The following ZNF804B variants were observed in gnomAD, a reference collection of about 807,000 sequenced individuals.
ZNF804B encodes the protein zinc finger 804B.
A neutral mutation model predicts 101.4 loss-of-function variants in ZNF804B; 80 were observed. The ratio of observed to expected loss-of-function variants is 0.79; its 90% CI spans 0.66 to 0.95. ZNF804B has a LOEUF of 0.95. Ranked by LOEUF, ZNF804B falls within the 40% of genes least tolerant of loss-of-function variation. ZNF804B has a pLI of 0.00. For missense variants in ZNF804B, 1,673 were observed against 1,561.9 expected (o/e 1.07, Z -1.20); for synonymous variants, 622 against 558.8 (o/e 1.11, Z -1.59).
At chr7:88,854,035 T>C (rs1791490322) in intron 1 of ZNF804B, among the ~76,000 whole-genome samples, 1 of 152,178 alleles carries the variant, frequency 6.6e-6, no homozygotes, top group East Asian at 1.9e-4. Context: ...ACTGCGTTTT[T>C]CAACTATTTT....
chr7:89,080,536 A>G (rs1483509296), intron 1 of ZNF804B, among the ~76,000 whole-genome samples: 1 of 151,874 alleles, frequency 6.6e-6, no homozygotes, highest in African/African-American at 2.4e-5. Flanking sequence ...TTCTATATTT[A>G]TATGATTTTG....
intron 1 of ZNF804B, among the ~76,000 whole-genome samples, chr7:88,862,252 G>T (rs1281552914): frequency 5.3e-5 from 8 of 151,984 alleles, no homozygotes; most frequent in Non-Finnish European, 1.2e-4. Flanking sequence ...TCATAAATTT[G>T]GGGGAAAAAA....
chr7:89,141,189 A>G (rs1214250739), intron 1 of ZNF804B, among the ~76,000 whole-genome samples: 2 of 152,094 alleles, frequency 1.3e-5, no homozygotes, highest in Non-Finnish European at 2.9e-5. Context: ...CAATAGTAAC[A>G]TCAAAGATCA....
At chr7:88,894,818 T>C (rs1316452109) in intron 1 of ZNF804B, among the ~76,000 whole-genome samples, 1 of 152,034 alleles carries the variant, frequency 6.6e-6, no homozygotes, top group Non-Finnish European at 1.5e-5. Flanking sequence ...ATTATGAAGA[T>C]AAAAATAGAT....
intron 2 of ZNF804B, among the ~76,000 whole-genome samples, chr7:89,284,308 C>T (rs750957606): frequency 2.0e-5 from 3 of 152,294 alleles, no homozygotes; most frequent in East Asian, 1.9e-4. Flanking sequence ...CAGTAAAAAA[C>T]GATATCTCTC....
chr7:88,886,571 A>C (rs1274407834), intron 1 of ZNF804B, among the ~76,000 whole-genome samples: 2 of 152,052 alleles, frequency 1.3e-5, no homozygotes, highest in African/African-American at 4.8e-5. Context: ...CTGAGTGCTA[A>C]TATAACTAAT....
intron 2 of ZNF804B, among the ~76,000 whole-genome samples, chr7:89,224,746 GTGTGT>G (rs1562921858): frequency 1.8e-4 from 16 of 88,182 alleles, no homozygotes; most frequent in African/African-American, 6.9e-4. Flanking sequence ...GTGTGTGTGT[GTGTGT>G]ATGAGTGTGT....
intron 1 of ZNF804B, among the ~76,000 whole-genome samples, chr7:88,901,975 G>A (rs898566044): frequency 4.6e-5 from 7 of 151,726 alleles, no homozygotes; most frequent in Admixed American, 2.6e-4. Flanking sequence ...TATAAAATGT[G>A]ATTAGAACAC....
At chr7:89,293,023 A>G (rs1790322333) in intron 2 of ZNF804B, among the ~76,000 whole-genome samples, 1 of 152,078 alleles carries the variant, frequency 6.6e-6, no homozygotes, top group Admixed American at 6.5e-5. Context: ...GTGATTATAT[A>G]CATCTGTAGT....
At chr7:89,233,314 A>T (rs1297517513) in intron 2 of ZNF804B, among the ~76,000 whole-genome samples, 1 of 152,202 alleles carries the variant, frequency 6.6e-6, no homozygotes, top group Non-Finnish European at 1.5e-5. Flanking sequence ...TTCTTAAAGT[A>T]ATTCTATGGG....
intron 1 of ZNF804B, among the ~76,000 whole-genome samples, chr7:88,819,686 A>T (rs987577700): frequency 6.6e-6 from 1 of 152,200 alleles, no homozygotes; most frequent in African/African-American, 2.4e-5. Context: ...CTATTAAAAA[A>T]TTTCCCCTTC....
intron 1 of ZNF804B, among the ~76,000 whole-genome samples, chr7:88,920,332 A>G (rs969009531): frequency 2.6e-5 from 4 of 152,072 alleles, no homozygotes; most frequent in African/African-American, 9.7e-5. Flanking sequence ...CAACATTACT[A>G]CTAACATTTA....
intron 2 of ZNF804B, among the ~76,000 whole-genome samples, chr7:89,315,460 G>A (rs1790710524): frequency 6.6e-6 from 1 of 152,130 alleles, no homozygotes; most frequent in Admixed American, 6.6e-5. Context: ...CAGATGCTAA[G>A]TAGTTTAGGA....
intron 1 of ZNF804B, among the ~76,000 whole-genome samples, chr7:88,776,033 A>G (rs1424868353): frequency 1.3e-5 from 2 of 152,158 alleles, no homozygotes; most frequent in Non-Finnish European, 2.9e-5. Context: ...TTGACCTTCT[A>G]TTCCAGCTCT....
At chr7:88,956,415 A>G (rs1407624516) in intron 1 of ZNF804B, among the ~76,000 whole-genome samples, 1 of 151,546 alleles carries the variant, frequency 6.6e-6, no homozygotes, top group Non-Finnish European at 1.5e-5. Flanking sequence ...AAAATTTCAA[A>G]AACATGGTTT....
chr7:89,097,089 T>A (rs1789980951), intron 1 of ZNF804B, among the ~76,000 whole-genome samples: 1 of 152,236 alleles, frequency 6.6e-6, no homozygotes, highest in African/African-American at 2.4e-5. Context: ...TTCAGGTTCA[T>A]GTTGAATCCC....
intron 2 of ZNF804B, among the ~76,000 whole-genome samples, chr7:89,222,854 C>A (rs190588162): frequency 6.6e-6 from 1 of 151,786 alleles, no homozygotes; most frequent in Non-Finnish European, 1.5e-5. Flanking sequence ...ATACGCTTCC[C>A]ACTTTAAAAA....
intron 2 of ZNF804B, among the ~76,000 whole-genome samples, chr7:89,316,447 C>A (rs958471994): frequency 1.3e-5 from 2 of 151,750 alleles, no homozygotes; most frequent in African/African-American, 4.8e-5. Context: ...TCAAATATAC[C>A]CGGGGTCCCC....
intron 1 of ZNF804B, among the ~76,000 whole-genome samples, chr7:89,197,017 G>A (rs1226564298): frequency 1.4e-5 from 2 of 143,198 alleles, no homozygotes; most frequent in East Asian, 3.9e-4. Context: ...TACACTGTTG[G>A]TGGGAGTGTA....
Sources: allele counts gnomAD v4.1 joint callset (sites outside exome capture counted in the v4.1 genomes callset), GRCh38; gene constraint gnomAD v4.1.1; transcripts MANE v1.5; gene names NCBI Gene and HGNC (gene_info 2026-07-23, HGNC 2026-07-21).